Variants in PTPRG observed in about 807,000 individuals in gnomAD.
The protein encoded by PTPRG is receptor-type tyrosine-protein phosphatase gamma.
PTPRG carries 102 observed loss-of-function variants against 165.3 expected under a neutral mutation model. That is an observed-to-expected ratio of 0.62 (90% CI 0.53 to 0.73). The LOEUF (loss-of-function observed/expected upper bound fraction) is 0.73, where lower values mean the gene tolerates loss of function less well. Among genes scored for constraint, PTPRG ranks in the 30% least tolerant of loss-of-function variants. PTPRG has a pLI of 0.00. For synonymous variants in PTPRG, 675 were observed against 669.5 expected (o/e 1.01, Z -0.13); for missense variants, 1,866 against 1,861.4 (o/e 1.00, Z -0.05).
At chr3:62,176,246 A>C (rs73098536) in intron 8 of PTPRG, among the ~76,000 whole-genome samples, 1 of 151,082 alleles carries the variant, frequency 6.6e-6, no homozygotes, top group African/African-American at 2.4e-5. Context: ...ATTTACTAAC[A>C]GTTTGGATGG....
At position 61,607,652 on chromosome 3, in the gene PTPRG, T is replaced by A. The variant is rs147158254; in HGVS notation, c.85+45280T>A. On this transcript the variant is annotated intron_variant, in intron 1 of 29. Coordinates refer to ENST00000474889, the MANE Select transcript of PTPRG (RefSeq NM_002841.4). ...TATTAATCTGACTCTTCTCTCCTGC[T>A]TCTCTTTAGAAGTGACATTCTCTGT... 2.6e-5 allele frequency among the ~76,000 whole-genome samples: 4 copies of A among 152,366 alleles called. No homozygotes were observed. In the East Asian group the frequency reaches 7.7e-4, roughly 29 times the overall value.
intron 1 of PTPRG, among the ~76,000 whole-genome samples, chr3:61,744,524 G>A (rs994964489): frequency 3.3e-5 from 5 of 152,180 alleles, no homozygotes; most frequent in East Asian, 1.9e-4. Flanking sequence ...AAACATATCC[G>A]AACACATAAA....
At chr3:61,756,333 C>G (rs987245886) in intron 2 of PTPRG, among the ~76,000 whole-genome samples, 1 of 152,154 alleles carries the variant, frequency 6.6e-6, no homozygotes, top group Non-Finnish European at 1.5e-5. Context: ...TAAACTGTTT[C>G]TTCCTACAGA....
At chr3:61,904,057 T>A (rs2038574790) in intron 2 of PTPRG, among the ~76,000 whole-genome samples, 1 of 152,196 alleles carries the variant, frequency 6.6e-6, no homozygotes, top group Admixed American at 6.5e-5. Context: ...TCAGTTTTCC[T>A]GCTGGGGCTG....
At chr3:62,055,412 A>G (rs1337489752) in intron 4 of PTPRG, among the ~76,000 whole-genome samples, 17 of 152,218 alleles carry the variant, frequency 1.1e-4, no homozygotes, top group Admixed American at 8.5e-4. Context: ...AACACGGACT[A>G]GTCACTCTGC....
intron 1 of PTPRG, among the ~76,000 whole-genome samples, chr3:61,738,314 ATATATATATATATATATATATATG>A (rs2032831021): frequency 1.3e-5 from 1 of 78,778 alleles, no homozygotes; most frequent in African/African-American, 5.6e-5. Flanking sequence ...ATATATATAC[ATATATATATATATATATATATATG>A]TATATATATA....
intron 4 of PTPRG, among the ~76,000 whole-genome samples, chr3:62,034,751 G>A (rs1398977071): frequency 6.6e-6 from 1 of 152,156 alleles, no homozygotes; most frequent in East Asian, 1.9e-4. Flanking sequence ...GGACAAGGAT[G>A]AATGATTAAA....
intron 3 of PTPRG, among the ~76,000 whole-genome samples, chr3:61,998,681 G>T (rs959371994): frequency 6.6e-6 from 1 of 152,196 alleles, no homozygotes; most frequent in South Asian, 2.1e-4. Flanking sequence ...GCTATGGACT[G>T]TTGGCCTCTA....
intron 2 of PTPRG, among the ~76,000 whole-genome samples, chr3:61,924,840 T>C (rs949048910): frequency 2.0e-5 from 3 of 152,224 alleles, no homozygotes; most frequent in Non-Finnish European, 4.4e-5. Context: ...CTGAAATTCA[T>C]ATACTGAAGC....
chr3:62,167,893 C>G (rs959978209), intron 7 of PTPRG, 78 bp from the exon 8 acceptor site: 1 of 1,429,810 alleles, frequency 7.0e-7, no homozygotes, highest in Admixed American at 1.7e-5. Context: ...CTGCTTTGGA[C>G]CAAATAGCTT....
At chr3:61,949,897 G>A (rs1411157189) in intron 2 of PTPRG, among the ~76,000 whole-genome samples, 2 of 152,098 alleles carry the variant, frequency 1.3e-5, no homozygotes, top group East Asian at 1.9e-4. Flanking sequence ...ACAGGCACCC[G>A]CCACCGTGCC....
At chr3:61,735,989 C>T (rs897066588) in intron 1 of PTPRG, among the ~76,000 whole-genome samples, 5 of 150,900 alleles carry the variant, frequency 3.3e-5, no homozygotes, top group Admixed American at 1.3e-4. Flanking sequence ...CTCACTGCAA[C>T]CTCCGCCTCC....
At position 61,562,089 on chromosome 3, in the gene PTPRG, C is replaced by T. The variant is rs1279898109; in HGVS notation, c.-199C>T. ...CGTCCCCAGCGTGGCTCTGCGTTCC[C>T]GGTCACTTTTTGAGATTTTCCGGGG... On this transcript the variant is annotated 5_prime_UTR_variant, in exon 1 of 30. Transcript: ENST00000474889. 5.1e-6 allele frequency: 3 copies of T among 588,094 alleles called. No homozygotes were observed. Among genetic ancestry groups the T allele is most frequent in the East Asian group, 5.6e-5 (2 of 35,464 alleles). 36.4% of individuals were successfully genotyped at this position (588,094 alleles called of 1,614,324 possible). A position where few individuals can be genotyped will look rare whatever the true frequency, so the allele number is the denominator to read the frequency against.
At chr3:61,905,970 GTAAGTAT>G (rs2038638263) in intron 2 of PTPRG, among the ~76,000 whole-genome samples, 1 of 152,164 alleles carries the variant, frequency 6.6e-6, no homozygotes, top group Non-Finnish European at 1.5e-5. Flanking sequence ...AAAGAATCAT[GTAAGTAT>G]TAATTTTTTC....
chr3:62,279,777 G>A (rs1432053419), intron 26 of PTPRG, among the ~76,000 whole-genome samples: 1 of 151,970 alleles, frequency 6.6e-6, no homozygotes, highest in African/African-American at 2.4e-5. Context: ...TTGGACGTTG[G>A]CTCATTTCTA....
intron 1 of PTPRG, among the ~76,000 whole-genome samples, chr3:61,746,680 G>A (rs2106906210): frequency 6.6e-6 from 1 of 152,262 alleles, no homozygotes; most frequent in South Asian, 2.1e-4. Context: ...CATCACTGGG[G>A]CCACGAGAAT....
At chr3:62,008,863 T>G (rs1355474153) in intron 4 of PTPRG, among the ~76,000 whole-genome samples, 2 of 152,162 alleles carry the variant, frequency 1.3e-5, no homozygotes, top group African/African-American at 4.8e-5. Context: ...GTGGTAATGC[T>G]CCTTGCCCAC....
At position 62,214,272 on chromosome 3, in the gene PTPRG, G is replaced by A. The variant is rs1286842880; in HGVS notation, c.2156-4579G>A. Among the ~76,000 whole-genome samples the A allele has an allele frequency of 6.6e-6, 1 of 152,200 alleles. No individual in the cohort carries two copies. The highest frequency in any genetic ancestry group is 1.9e-4 in the East Asian group (1 of 5,176). On this transcript the variant is annotated intron_variant, in intron 12 of 29. Transcript: ENST00000474889. The surrounding 1 kb of genome is among the most constrained non-coding windows in gnomAD (Gnocchi z 5.2). ...GTGTGAGGGTGCTGAGGAAGAGAGT[G>A]GTGGTGATGATAAGTAATGATGCTG...
chr3:61,874,346 TTATC>T (rs756076698), intron 2 of PTPRG, among the ~76,000 whole-genome samples: 7 of 152,224 alleles, frequency 4.6e-5, no homozygotes, highest in Non-Finnish European at 1.0e-4. Flanking sequence ...TCCTCACAAT[TTATC>T]TAGCCAATGC....
Sources: gnomAD v4.1 joint callset for allele counts (sites outside exome capture counted in the v4.1 genomes callset) on GRCh38, gnomAD v4.1.1 for gene constraint, Gnocchi (gnomAD v3.1) non-coding constraint, MANE v1.5 for transcripts, NCBI Gene and HGNC (gene_info 2026-07-23, HGNC 2026-07-21) for gene names.